Variants in AFF3 observed in about 807,000 individuals in gnomAD.
AFF3 encodes the protein AF4/FMR2 family member 3.
A neutral mutation model predicts 129.7 loss-of-function variants in AFF3; 32 were observed. The ratio of observed to expected loss-of-function variants is 0.25; its 90% CI spans 0.19 to 0.33. The LOEUF (loss-of-function observed/expected upper bound fraction) is 0.33, where lower values mean the gene tolerates loss of function less well. AFF3 is among the 10% of genes least tolerant of loss of function. AFF3 has a pLI of 1.00. For synonymous variants in AFF3, 644 were observed against 635.4 expected (o/e 1.01, Z -0.20); for missense variants, 1,373 against 1,592.0 (o/e 0.86, Z 2.34).
At chr2:99,836,849 T>C (rs1688916006) in intron 8 of AFF3, among the ~76,000 whole-genome samples, 1 of 152,136 alleles carries the variant, frequency 6.6e-6, no homozygotes, top group Admixed American at 6.6e-5. Context: ...AAAATATGGG[T>C]TGATGACGAC....
At chr2:99,868,072 C>T (rs1027896020) in intron 7 of AFF3, among the ~76,000 whole-genome samples, 3 of 150,136 alleles carry the variant, frequency 2.0e-5, no homozygotes, top group African/African-American at 7.4e-5. Context: ...AAGTATGTCA[C>T]TGAAAAACGC....
chr2:99,752,693 A>T (rs764235628), intron 8 of AFF3, among the ~76,000 whole-genome samples: 2 of 152,226 alleles, frequency 1.3e-5, no homozygotes, highest in Non-Finnish European at 2.9e-5. Flanking sequence ...GGTACTTTTA[A>T]CTTTATGAAT....
At chr2:99,675,524 C>T (rs1277120619) in intron 11 of AFF3, among the ~76,000 whole-genome samples, 2 of 152,218 alleles carry the variant, frequency 1.3e-5, no homozygotes, top group Non-Finnish European at 2.9e-5. Context: ...CTTGGCTCAA[C>T]TCCCTAGCAA....
intron 7 of AFF3, among the ~76,000 whole-genome samples, chr2:99,987,756 T>G (rs886148753): frequency 6.6e-6 from 1 of 152,190 alleles, no homozygotes; most frequent in African/African-American, 2.4e-5. Context: ...GCCCATGTTT[T>G]AAAAATGTAT....
chr2:100,046,334 A>G (rs766632748), intron 4 of AFF3, among the ~76,000 whole-genome samples: 25 of 152,186 alleles, frequency 1.6e-4, no homozygotes, highest in Non-Finnish European at 2.9e-4. Context: ...ATTCCAACCT[A>G]TAAGTCTGGT....
intron 4 of AFF3, among the ~76,000 whole-genome samples, chr2:100,014,255 AC>A (rs1682801435): frequency 6.6e-6 from 1 of 152,088 alleles, no homozygotes. Context: ...AACTATCCAA[AC>A]TACTGATATG....
At chr2:99,783,952 C>T (rs931147893) in intron 8 of AFF3, among the ~76,000 whole-genome samples, 1 of 152,188 alleles carries the variant, frequency 6.6e-6, no homozygotes, top group African/African-American at 2.4e-5. Context: ...ATATATTGCC[C>T]GTTGCAAGTA....
chr2:99,960,547 C>T (rs1677113310), intron 7 of AFF3, among the ~76,000 whole-genome samples: 1 of 152,174 alleles, frequency 6.6e-6, no homozygotes, highest in African/African-American at 2.4e-5. Context: ...CTAAATGCTG[C>T]TCTCCTTATG....
intron 11 of AFF3, among the ~76,000 whole-genome samples, chr2:99,704,021 A>T (rs746283684): frequency 4.7e-4 from 71 of 152,234 alleles, no homozygotes; most frequent in Non-Finnish European, 1.5e-4. Context: ...AGTGAGGTGT[A>T]GAGACCTTAC....
chr2:99,622,187 C>G (rs72966270), intron 13 of AFF3, among the ~76,000 whole-genome samples: 8 of 151,960 alleles, frequency 5.3e-5, no homozygotes, highest in African/African-American at 1.9e-4. Context: ...GAAAATGAGT[C>G]GAGGGTGGGT....
At chr2:99,885,471 G>A (rs1267376356) in intron 7 of AFF3, among the ~76,000 whole-genome samples, 2 of 152,142 alleles carry the variant, frequency 1.3e-5, no homozygotes, top group African/African-American at 4.8e-5. Context: ...CTTACCCAGA[G>A]TAAAGACTAA....
At chr2:100,107,632 G>T (rs1469704524) in intron 2 of AFF3, 4 of 471,210 alleles carry the variant, frequency 8.5e-6, no homozygotes, top group African/African-American at 2.1e-5. Context: ...TAAGGGGAGG[G>T]CTGCTGGGGG....
In AFF3 at chr2:99,582,819, C is replaced by A. The variant is rs768435456; in HGVS notation, c.2772G>T (p.Gln924His). 3 of 1,614,184 alleles carry A rather than the reference C, an allele frequency of 1.9e-6. No homozygotes were observed. The South Asian group carries it at 3.3e-5, about 18-fold the overall frequency. Residue 924 changes from glutamine to histidine, a missense_variant, in exon 17 of 25, where the codon CAG becomes CAT. Gln to His is a conservative substitution (Grantham distance 24, BLOSUM62 0). Coordinates refer to ENST00000672756, the MANE Select transcript of AFF3 (RefSeq NM_001386135.1). ...AAACCGTGAGGTCTCCGCCGTGAGG[C>A]TGCAGCTGGCTGTCGGCCTTAGGCT... ...SKKPKADSQLQPHGGDLTKAA... is the reference protein window; with the variant it reads ...SKKPKADSQLHPHGGDLTKAA...
At chr2:99,846,524 T>C (rs558016014) in intron 7 of AFF3, among the ~76,000 whole-genome samples, 17 of 152,380 alleles carry the variant, frequency 1.1e-4, no homozygotes, top group African/African-American at 3.8e-4. Flanking sequence ...ACACATCTGA[T>C]TATCACTTAT....
intron 7 of AFF3, among the ~76,000 whole-genome samples, chr2:99,869,924 A>T (rs530295746): frequency 6.6e-6 from 1 of 152,334 alleles, no homozygotes; most frequent in Non-Finnish European, 1.5e-5. Flanking sequence ...TGGGCTAGAC[A>T]ATGGGAAACC....
At chr2:99,870,139 T>A (rs2105957934) in intron 7 of AFF3, among the ~76,000 whole-genome samples, 1 of 152,278 alleles carries the variant, frequency 6.6e-6, no homozygotes, top group East Asian at 1.9e-4. Context: ...TGATTCCCCC[T>A]CCAACCTCTG....
chr2:99,631,997 C>A (rs1368433200), intron 13 of AFF3, among the ~76,000 whole-genome samples: 1 of 146,992 alleles, frequency 6.8e-6, no homozygotes, highest in Non-Finnish European at 1.5e-5. Flanking sequence ...TTATCCACAA[C>A]CTTGCCAACA....
intron 7 of AFF3, among the ~76,000 whole-genome samples, chr2:99,919,476 C>G (rs1278335199): frequency 6.6e-6 from 1 of 152,048 alleles, no homozygotes; most frequent in Non-Finnish European, 1.5e-5. Flanking sequence ...AGCAGAGAAG[C>G]CATGACTGTT....
chr2:99,551,718 A>G (rs1674428443), intron 24 of AFF3, 123 bp from the exon 25 acceptor site: 1 of 1,250,378 alleles, frequency 8.0e-7, no homozygotes, highest in Non-Finnish European at 1.1e-6. Flanking sequence ...CCGTTCCATC[A>G]TGTAACTTTA....
Sources: gnomAD v4.1 joint callset for allele counts (sites outside exome capture counted in the v4.1 genomes callset) on GRCh38, gnomAD v4.1.1 for gene constraint, MANE v1.5 for transcripts, NCBI Gene and HGNC (gene_info 2026-07-23, HGNC 2026-07-21) for gene names.